Variants in PRELID2 observed in about 807,000 individuals in gnomAD.
PRELID2 encodes PRELI domain-containing protein 2.
In PRELID2, 25 loss-of-function variants were observed where a neutral mutation model predicts 28.4. The ratio of observed to expected loss-of-function variants is 0.88; its 90% CI spans 0.64 to 1.23. The LOEUF is 1.23. Ranked by LOEUF, PRELID2 falls within the 50% of genes most tolerant of loss-of-function variation. The probability of loss-of-function intolerance (pLI) is 0.00; values close to 1 mark genes in which losing one functional copy is unlikely to be tolerated. For synonymous variants in PRELID2, 76 were observed against 71.6 expected, an observed-to-expected ratio of 1.06 and a Z score of -0.31; for missense variants, 201 against 214.4, an observed-to-expected ratio of 0.94 and a Z score of 0.39.
chr5:145,322,856 C>T, the PRELID2 span, among the ~76,000 whole-genome samples: 3 of 152,024 alleles, frequency 2.0e-5, no homozygotes, highest in African/African-American at 4.8e-5. Context: ...AAAGCTGGGC[C>T]TGTAGTCCCA....
the PRELID2 span, among the ~76,000 whole-genome samples, chr5:145,357,486 C>T: frequency 1.3e-5 from 2 of 152,002 alleles, no homozygotes; most frequent in Non-Finnish European, 2.9e-5. Context: ...TTTGGAGAAC[C>T]GGTCTTCAAG....
At chr5:145,486,284 G>C (rs1203062245) in intron 1 of PRELID2, among the ~76,000 whole-genome samples, 1 of 152,062 alleles carries the variant, frequency 6.6e-6, no homozygotes, top group Admixed American at 6.6e-5. Context: ...AGTTTGCATG[G>C]GGGTCTATAA....
intron 1 of PRELID2, among the ~76,000 whole-genome samples, chr5:145,706,713 A>G (rs1328655491): frequency 2.0e-5 from 3 of 152,080 alleles, no homozygotes; most frequent in Non-Finnish European, 2.9e-5. Flanking sequence ...TATAAAATAA[A>G]ATAATAATAA....
At chr5:145,433,993 T>C in the PRELID2 span, among the ~76,000 whole-genome samples, 11 of 152,250 alleles carry the variant, frequency 7.2e-5, no homozygotes, top group Non-Finnish European at 1.2e-4. Context: ...CCCACATGGG[T>C]TAATAAGGAG....
chr5:145,427,157 A>T, the PRELID2 span, among the ~76,000 whole-genome samples: 2 of 152,268 alleles, frequency 1.3e-5, no homozygotes, highest in Non-Finnish European at 2.9e-5. Context: ...GTGTTAACAG[A>T]TGACACTGCC....
the PRELID2 span, among the ~76,000 whole-genome samples, chr5:145,285,075 T>C: frequency 2.6e-5 from 4 of 152,074 alleles, no homozygotes; most frequent in African/African-American, 9.7e-5. Context: ...CCAAGGGTCA[T>C]GCAATTGGTA....
chr5:145,236,307 C>G, the PRELID2 span, among the ~76,000 whole-genome samples: 1 of 152,034 alleles, frequency 6.6e-6, no homozygotes, highest in African/African-American at 2.4e-5. Context: ...AATCTCAGGA[C>G]CTCCCAAACT....
intron 1 of PRELID2, among the ~76,000 whole-genome samples, chr5:145,741,673 A>T (rs867907402): frequency 0.016 from 48 of 3,068 alleles, 2 homozygotes; most frequent in African/African-American, 0.038. Flanking sequence ...ATATATAAAT[A>T]ATTTATAAAT....
intron 1 of PRELID2, among the ~76,000 whole-genome samples, chr5:145,589,437 C>T (rs1753197264): frequency 6.6e-6 from 1 of 152,002 alleles, no homozygotes; most frequent in Non-Finnish European, 1.5e-5. Context: ...CATGTCCATA[C>T]CACCACACTC....
intron 1 of PRELID2, among the ~76,000 whole-genome samples, chr5:145,647,203 G>C (rs535854703): frequency 6.6e-6 from 1 of 152,124 alleles, no homozygotes; most frequent in African/African-American, 2.4e-5. Context: ...CTTTTTTTCA[G>C]AGATGCCCTG....
chr5:145,819,909 T>C lies in PRELID2; in HGVS notation c.207+36A>G, dbSNP rs377251275. The C allele has an allele frequency of 2.3e-5, 29 of 1,252,584 alleles. No homozygotes were observed. The African/African-American group carries it at 4.0e-4, about 17-fold the overall frequency. 77.6% of individuals were successfully genotyped at this position (1,252,584 alleles called of 1,614,324 possible). On this transcript the variant is annotated intron_variant, in intron 3 of 6. Transcript: ENST00000683046. The stretch of plus-strand genomic sequence containing the variant: ...TTCATGACTATTAAAAATTACTCAA[T>C]GTTACAACTGTGATTACATTTTAAA...
chr5:145,257,291 G>C, the PRELID2 span, among the ~76,000 whole-genome samples: 8 of 150,262 alleles, frequency 5.3e-5, no homozygotes, highest in South Asian at 1.7e-3. Flanking sequence ...TGATTGTGAA[G>C]TAGAATATTT....
At chr5:145,600,434 A>AATATATATATAT (rs1299956414) in intron 1 of PRELID2, among the ~76,000 whole-genome samples, 39 of 120,114 alleles carry the variant, frequency 3.2e-4, no homozygotes, top group African/African-American at 1.5e-3. Context: ...AAAAAAAAAA[A>AATATATATATAT]ATATATATAT....
At chr5:145,815,165 T>C (rs1754212285) in intron 4 of PRELID2, among the ~76,000 whole-genome samples, 1 of 152,210 alleles carries the variant, frequency 6.6e-6, no homozygotes, top group South Asian at 2.1e-4. Flanking sequence ...ACTCACTCTA[T>C]CCACCATGTG....
At chr5:145,358,252 T>C in the PRELID2 span, among the ~76,000 whole-genome samples, 1 of 152,088 alleles carries the variant, frequency 6.6e-6, no homozygotes, top group Admixed American at 6.6e-5. Flanking sequence ...GTGGTCCTTC[T>C]GACTATGAGA....
chr5:145,646,340 T>G (rs1319000272), intron 1 of PRELID2, among the ~76,000 whole-genome samples: 1 of 152,224 alleles, frequency 6.6e-6, no homozygotes, highest in Non-Finnish European at 1.5e-5. Flanking sequence ...TTGATACTTG[T>G]GTATGCTTCA....
intron 1 of PRELID2, among the ~76,000 whole-genome samples, chr5:145,492,492 AC>A (rs1752278175): frequency 1.4e-5 from 2 of 140,610 alleles, no homozygotes; most frequent in Non-Finnish European, 3.2e-5. Context: ...GTTGGTTGTT[AC>A]CTTTGTTTTA....
At chr5:145,699,007 G>A (rs1237168433) in intron 1 of PRELID2, among the ~76,000 whole-genome samples, 3 of 152,172 alleles carry the variant, frequency 2.0e-5, no homozygotes, top group Non-Finnish European at 2.9e-5. Context: ...GATTACAGGC[G>A]TGAGCCACCG....
chr5:145,555,631 G>A (rs549537979), intron 1 of PRELID2, among the ~76,000 whole-genome samples: 5 of 152,242 alleles, frequency 3.3e-5, no homozygotes, highest in African/African-American at 1.2e-4. Flanking sequence ...TTTGAAATAG[G>A]ACACAGAAAC....
Sources: allele counts gnomAD v4.1 joint callset (sites outside exome capture counted in the v4.1 genomes callset), GRCh38; gene constraint gnomAD v4.1.1; transcripts MANE v1.5; gene names NCBI Gene and HGNC (gene_info 2026-07-23, HGNC 2026-07-21).